Variants in KAT6B observed in about 807,000 individuals in gnomAD.
The protein encoded by KAT6B is histone acetyltransferase KAT6B.
In KAT6B, 10 loss-of-function variants were observed where a neutral mutation model predicts 187.5. The observed-to-expected ratio is 0.05, with a 90% CI of 0.03 to 0.09. The LOEUF (loss-of-function observed/expected upper bound fraction) is 0.09. Among genes scored for constraint, KAT6B ranks in the 10% least tolerant of loss-of-function variants. The pLI is 1.00. For synonymous variants in KAT6B, 861 were observed against 926.8 expected (o/e 0.93, Z 1.29); for missense variants, 1,952 against 2,558.9 (o/e 0.76, Z 5.12).
At chr10:74,892,293 A>G (rs1203714059) in intron 3 of KAT6B, among the ~76,000 whole-genome samples, 2 of 152,172 alleles carry the variant, frequency 1.3e-5, no homozygotes, top group Non-Finnish European at 2.9e-5. Flanking sequence ...CTTTGAGCCT[A>G]GAAGTTTGGG....
rs34174594 is a variant in KAT6B, at chr10:74,955,383, TC to T, written c.622-4575del. Among the ~76,000 whole-genome samples the T allele has an allele frequency of 5.2e-3, 524 of 101,350 alleles. 14 individuals are homozygous for T. Among genetic ancestry groups the T allele is most frequent in the Middle Eastern group, 0.019 (4 of 214 alleles). The allele number at this position is 101,350 out of a possible 152,430, so 66.5% of individuals were successfully genotyped here. Reference sequence around the variant, plus strand: ...TTGAGAGTAAAGGGACACAATTTTATCCCCCCCCCCCCAACTTTTTGTTTGG... The same window carrying T: ...TTGAGAGTAAAGGGACACAATTTTATCCCCCCCCCCCAACTTTTTGTTTGG... On this transcript the variant is annotated intron_variant, in intron 3 of 17. Coordinates refer to ENST00000287239, the MANE Select transcript of KAT6B (RefSeq NM_012330.4).
intron 3 of KAT6B, among the ~76,000 whole-genome samples, chr10:74,895,963 T>TTG (rs1564548719): frequency 1.6e-4 from 24 of 151,406 alleles, no homozygotes; most frequent in Middle Eastern, 3.4e-3. Context: ...TGTTGTTGTT[T>TTG]TTTTTTGCCT....
chr10:74,906,696 T>C (rs1029108508), intron 3 of KAT6B, among the ~76,000 whole-genome samples: 1 of 152,176 alleles, frequency 6.6e-6, no homozygotes, highest in African/African-American at 2.4e-5. Flanking sequence ...GAGACCAGAG[T>C]GAGCAGACTT....
intron 3 of KAT6B, among the ~76,000 whole-genome samples, chr10:74,847,377 T>C (rs1283167365): frequency 6.6e-6 from 1 of 152,244 alleles, no homozygotes; most frequent in African/African-American, 2.4e-5. Context: ...TAGCATTTTT[T>C]TCCAGCTGGG....
chr10:74,956,956 A>G (rs1031092979), intron 3 of KAT6B, among the ~76,000 whole-genome samples: 1 of 152,232 alleles, frequency 6.6e-6, no homozygotes, highest in African/African-American at 2.4e-5. Flanking sequence ...TTTCAAAGAA[A>G]GGAATTAAGA....
Position 74,997,847 on chromosome 10 carries a change from C to T in KAT6B, c.2629+8735C>T, listed in dbSNP as rs184476950. 3.5e-3 allele frequency among the ~76,000 whole-genome samples: 536 copies of T among 151,982 alleles called. 1 individual carries two copies. Among genetic ancestry groups the T allele is most frequent in the Non-Finnish European group, 5.9e-3 (403 of 67,980 alleles). ...AAAAACTAGGCTGGGGACAGTGGCT[C>T]ACGCCTGTAATCCCAGCACTTTGGG... On this transcript the variant is annotated intron_variant, in intron 13 of 17. Coordinates refer to ENST00000287239, the MANE Select transcript of KAT6B (RefSeq NM_012330.4).
intron 3 of KAT6B, among the ~76,000 whole-genome samples, chr10:74,897,931 T>C (rs1846101168): frequency 1.3e-5 from 2 of 152,228 alleles, no homozygotes; most frequent in South Asian, 4.1e-4. Context: ...ATTTGCAGAT[T>C]ATTTTTGCCA....
At chr10:74,955,223 C>T (rs1481744192) in intron 3 of KAT6B, among the ~76,000 whole-genome samples, 1 of 152,090 alleles carries the variant, frequency 6.6e-6, no homozygotes, top group East Asian at 1.9e-4. Flanking sequence ...AAGAAAAAAA[C>T]ATATATGTTC....
chr10:74,971,213 G>A (rs1031695837), intron 6 of KAT6B, among the ~76,000 whole-genome samples: 1 of 152,114 alleles, frequency 6.6e-6, no homozygotes, highest in African/African-American at 2.4e-5. Context: ...TATTACAAAT[G>A]TTTCCAATTT....
intron 13 of KAT6B, among the ~76,000 whole-genome samples, chr10:74,994,000 G>A (rs959248785): frequency 6.6e-6 from 1 of 152,106 alleles, no homozygotes; most frequent in Admixed American, 6.5e-5. Context: ...AGCATCTGGT[G>A]AGAAGATACT....
intron 3 of KAT6B, among the ~76,000 whole-genome samples, chr10:74,953,366 A>G (rs576902498): frequency 6.6e-6 from 1 of 152,174 alleles, no homozygotes; most frequent in Non-Finnish European, 1.5e-5. Context: ...AATACTCATA[A>G]TAATATTTGA....
At chr10:75,007,088 A>G (rs1029405107) in intron 13 of KAT6B, among the ~76,000 whole-genome samples, 3 of 151,992 alleles carry the variant, frequency 2.0e-5, no homozygotes, top group African/African-American at 4.8e-5. Flanking sequence ...AAAAAAGAAA[A>G]GAAAATGACA....
At chr10:74,879,425 T>A (rs1048931348) in intron 3 of KAT6B, among the ~76,000 whole-genome samples, 4 of 152,152 alleles carry the variant, frequency 2.6e-5, no homozygotes, top group Non-Finnish European at 5.9e-5. Flanking sequence ...TGACTGGGCT[T>A]AAAAAGGCCT....
chr10:74,826,942 C>T (rs1272951042), intron 1 of KAT6B, among the ~76,000 whole-genome samples, 157 bp downstream of exon 1: 6 of 142,756 alleles, frequency 4.2e-5, no homozygotes, highest in African/African-American at 1.5e-4. Context: ...CTGAGCGTGA[C>T]GGTAGGGGGC....
chr10:74,987,468 A>G (rs560515607), intron 12 of KAT6B, among the ~76,000 whole-genome samples: 4 of 152,222 alleles, frequency 2.6e-5, no homozygotes, highest in African/African-American at 9.6e-5. Flanking sequence ...CCATATTCTC[A>G]TGTGTCAGCT....
intron 3 of KAT6B, among the ~76,000 whole-genome samples, chr10:74,954,974 C>G (rs977773606): frequency 6.6e-6 from 1 of 152,062 alleles, no homozygotes; most frequent in Non-Finnish European, 1.5e-5. Context: ...GTTTGTAGTC[C>G]AACTACTGTC....
At chr10:74,950,525 A>G (rs2133390822) in intron 3 of KAT6B, among the ~76,000 whole-genome samples, 1 of 152,352 alleles carries the variant, frequency 6.6e-6, no homozygotes. Flanking sequence ...CCATATCTGA[A>G]GCAGATTGCT....
intron 2 of KAT6B, among the ~76,000 whole-genome samples, chr10:74,839,396 A>G (rs1841559831): frequency 1.3e-5 from 2 of 151,482 alleles, no homozygotes; most frequent in South Asian, 4.2e-4. Flanking sequence ...ATGCTTGGCT[A>G]ATTTTTTGTA....
At chr10:74,907,618 CTCCTGGGT>C (rs1409105522) in intron 3 of KAT6B, among the ~76,000 whole-genome samples, 1 of 152,094 alleles carries the variant, frequency 6.6e-6, no homozygotes, top group Non-Finnish European at 1.5e-5. Context: ...CCTCCTCTGC[CTCCTGGGT>C]TCAAGCAATT....
Sources: gnomAD v4.1 joint callset for allele counts (sites outside exome capture counted in the v4.1 genomes callset) on GRCh38, gnomAD v4.1.1 for gene constraint, MANE v1.5 for transcripts, NCBI Gene and HGNC (gene_info 2026-07-23, HGNC 2026-07-21) for gene names.